Variants in IHO1 observed in about 807,000 individuals in gnomAD.
The protein encoded by IHO1 is interactor of HORMAD1 1.
A neutral mutation model predicts 31.0 loss-of-function variants in IHO1; 13 were observed. The observed-to-expected ratio is 0.42, with a 90% CI of 0.27 to 0.67. IHO1 has a LOEUF of 0.67. Ranked by LOEUF, IHO1 falls within the 30% of genes least tolerant of loss-of-function variation. The probability of loss-of-function intolerance (pLI) is 0.24; values close to 1 mark genes in which losing one functional copy is unlikely to be tolerated. For missense variants in IHO1, 599 were observed against 687.5 expected (o/e 0.87, Z 1.44); for synonymous variants, 221 against 248.4 (o/e 0.89, Z 1.04).
the IHO1 span, chr3:49,191,966 CTG>C: frequency 1.6e-6 from 1 of 618,248 alleles, no homozygotes; most frequent in East Asian, 2.8e-5. Flanking sequence ...TAGTTCTTCT[CTG>C]TGAGAAAAAC....
At chr3:49,228,431 GCCCGGTATTTA>G in intron 2 of IHO1, 1 of 388,046 alleles carries the variant, frequency 2.6e-6, no homozygotes. Flanking sequence ...GCCGACAGGT[GCCCGGTATTTA>G]GCCCCTGAAT....
intron 1 of IHO1, chr3:49,199,854 TGAG>T (rs1338250708): frequency 6.6e-6 from 1 of 152,316 alleles, no homozygotes; most frequent in Admixed American, 6.5e-5. Flanking sequence ...CGCCTGGAGT[TGAG>T]GAGTGAGACC....
chr3:49,208,844 T>C (rs1391324120), intron 1 of IHO1, among the ~76,000 whole-genome samples: 1 of 152,374 alleles, frequency 6.6e-6, no homozygotes, highest in East Asian at 1.9e-4. Context: ...ACATGGGGCT[T>C]GATCCACTCA....
rs2046025665 is a variant in IHO1 at position 49,199,511 on chromosome 3, G to GTTC, written c.-78_-77insTTC. The GTTC allele has an allele frequency of 1.3e-5, 2 of 152,122 alleles. No homozygotes were observed. Among genetic ancestry groups the GTTC allele is most frequent in the South Asian group, 4.1e-4 (2 of 4,836 alleles). 9.4% of individuals were successfully genotyped at this position (152,122 alleles called of 1,614,324 possible). A position where few individuals can be genotyped will look rare whatever the true frequency, so the allele number is the denominator to read the frequency against. ...GCGCGTGCCGTTGCAGAGGCAGCGG[G>GTTC]ACGCGGCCACCTCGAAGCCACGTCA... On this transcript the variant is annotated 5_prime_UTR_variant, in exon 1 of 8. Transcript: ENST00000452691.
intron 1 of IHO1, among the ~76,000 whole-genome samples, chr3:49,210,839 A>G (rs1274104154): frequency 6.6e-6 from 1 of 151,136 alleles, no homozygotes; most frequent in Non-Finnish European, 1.5e-5. Context: ...CTGGGACTAC[A>G]GGCACGTCCC....
the IHO1 span, among the ~76,000 whole-genome samples, chr3:49,193,358 T>G: frequency 6.6e-6 from 1 of 151,290 alleles, no homozygotes; most frequent in East Asian, 2.0e-4. Flanking sequence ...GGTGACAGAA[T>G]GAGACCCCCA....
At chr3:49,241,911 G>A (rs1461644575) in intron 4 of IHO1, among the ~76,000 whole-genome samples, 1 of 151,706 alleles carries the variant, frequency 6.6e-6, no homozygotes, top group Non-Finnish European at 1.5e-5. Flanking sequence ...GTGAGCCACT[G>A]TGCCTGGCCA....
chr3:49,210,015 CTCTT>C (rs1416896327), intron 1 of IHO1, among the ~76,000 whole-genome samples: 55 of 149,980 alleles, frequency 3.7e-4, no homozygotes, highest in South Asian at 1.0e-3. Context: ...CGCACCCAGC[CTCTT>C]TCTTTCTTTC....
chr3:49,194,219 G>A (rs2045983227), upstream of IHO1, among the ~76,000 whole-genome samples: 1 of 146,880 alleles, frequency 6.8e-6, no homozygotes, highest in Admixed American at 6.8e-5. Flanking sequence ...AGTGAGTCGA[G>A]ATCGTGCCAT....
intron 6 of IHO1, among the ~76,000 whole-genome samples, chr3:49,251,575 C>T (rs373975874): frequency 1.1e-4 from 17 of 151,596 alleles, no homozygotes; most frequent in Admixed American, 3.3e-4. Flanking sequence ...TGAGCTGCTG[C>T]GCTCAGACTT....
chr3:49,225,443 A>G (rs1437791286), intron 2 of IHO1, among the ~76,000 whole-genome samples: 1 of 151,992 alleles, frequency 6.6e-6, no homozygotes, highest in Non-Finnish European at 1.5e-5. Flanking sequence ...AGCCTGGGTG[A>G]CAGAGTGAGA....
At chr3:49,224,930 A>G (rs757812707) in intron 2 of IHO1, among the ~76,000 whole-genome samples, 57 of 152,072 alleles carry the variant, frequency 3.7e-4, no homozygotes, top group Non-Finnish European at 3.4e-4. Context: ...ATAGCGATAA[A>G]CTTCCTTTGA....
chr3:49,213,561 G>A (rs911266278), intron 2 of IHO1, among the ~76,000 whole-genome samples: 70 of 152,346 alleles, frequency 4.6e-4, no homozygotes, highest in Non-Finnish European at 7.6e-4. Flanking sequence ...TTGGGTGGTC[G>A]ATGGGACCGG....
At chr3:49,219,056 C>G (rs950998018) in intron 2 of IHO1, among the ~76,000 whole-genome samples, 1 of 152,094 alleles carries the variant, frequency 6.6e-6, no homozygotes, top group African/African-American at 2.4e-5. Flanking sequence ...TGCTTGTAAT[C>G]CCAGCACTTT....
In IHO1 at chr3:49,211,008, T is replaced by A. The variant is rs868516442; in HGVS notation, c.-15-758T>A. On this transcript the variant is annotated intron_variant, in intron 1 of 7. Transcript: ENST00000452691. ...ACTGCTCCTGGCCTCTCCATTTAGT[T>A]TTTTTTTTTTTTTTTTTGAGCTGGG... Among the ~76,000 whole-genome samples the A allele has an allele frequency of 5.7e-5, 8 of 140,282 alleles. No individual in the cohort carries two copies. In the East Asian group the frequency reaches 1.7e-3, roughly 29 times the overall value. The allele number at this position is 140,282 out of a possible 152,430, so 92.0% of individuals were successfully genotyped here.
intron 1 of IHO1, among the ~76,000 whole-genome samples, chr3:49,206,997 G>A (rs1338991014): frequency 6.9e-6 from 1 of 145,186 alleles, no homozygotes; most frequent in East Asian, 2.1e-4. Context: ...GCAGTGAGCC[G>A]AGATCGTGCC....
upstream of IHO1, among the ~76,000 whole-genome samples, chr3:49,193,830 C>T (rs1328719740): frequency 3.3e-5 from 5 of 150,650 alleles, no homozygotes; most frequent in Non-Finnish European, 7.4e-5. Flanking sequence ...GGCATGGTGG[C>T]GCATGCCTGT....
intron 3 of IHO1, among the ~76,000 whole-genome samples, chr3:49,238,637 G>A (rs545860164): frequency 2.8e-4 from 43 of 152,268 alleles, no homozygotes; most frequent in Middle Eastern, 3.4e-3. Context: ...AGCATAGCTC[G>A]TGACCTCGCA....
chr3:49,227,969 G>A (rs1350135719), intron 2 of IHO1, among the ~76,000 whole-genome samples: 2 of 152,146 alleles, frequency 1.3e-5, no homozygotes, highest in Admixed American at 1.3e-4. Context: ...GAGCCCAGGT[G>A]CCTAAAGAAG....
Sources: allele counts gnomAD v4.1 joint callset (sites outside exome capture counted in the v4.1 genomes callset), GRCh38; gene constraint gnomAD v4.1.1; transcripts MANE v1.5; gene names NCBI Gene and HGNC (gene_info 2026-07-23, HGNC 2026-07-21).